The following HEMGN variants were observed in gnomAD, a reference collection of about 807,000 sequenced individuals.
HEMGN encodes hemogen.
A neutral mutation model predicts 45.7 loss-of-function variants in HEMGN; 32 were observed. That is an observed-to-expected ratio of 0.70 (90% CI 0.53 to 0.94). HEMGN has a LOEUF of 0.94. HEMGN is among the 40% of genes least tolerant of loss of function. The pLI, the probability that HEMGN is intolerant of heterozygous loss-of-function variation, is 0.00. For synonymous variants in HEMGN, 183 were observed against 178.6 expected (o/e 1.02, Z -0.20); for missense variants, 530 against 564.2 (o/e 0.94, Z 0.61).
rs1481822558 is a variant in HEMGN, at chr9:97,930,507, G to C, written c.888C>G (p.Gly296=). 4 of 1,613,780 alleles carry C rather than the reference G, an allele frequency of 2.5e-6. No homozygotes were observed. Among genetic ancestry groups the C allele is most frequent in the Non-Finnish European group, 2.5e-6 (3 of 1,179,842 alleles). The change falls in exon 3 of 4, where the codon GGC becomes GGG. Residue 296 remains glycine (G), a synonymous_variant. Coordinates refer to ENST00000616898, the MANE Select transcript of HEMGN (RefSeq NM_197978.3). The part of the protein sequence containing the change: ...ETDQGIAETE[G]LFPKIQEIAE... ...CTATTTCTTGTATTTTAGGAAAAAG[G>C]CCTTCTGTCTCAGCTATTCCTTGAT...
chr9:97,941,835 G>A (rs1827157914), upstream of HEMGN, among the ~76,000 whole-genome samples: 1 of 152,216 alleles, frequency 6.6e-6, no homozygotes, highest in African/African-American at 2.4e-5. Flanking sequence ...TCAAGGAGGA[G>A]AGACTAATCC....
chr9:97,931,647 T>C (rs1826955890), intron 2 of HEMGN, among the ~76,000 whole-genome samples: 1 of 152,232 alleles, frequency 6.6e-6, no homozygotes, highest in Non-Finnish European at 1.5e-5. Flanking sequence ...AGTAAACTCA[T>C]ACAAATCGAG....
chr9:97,933,175 G>A (rs1364141259), intron 2 of HEMGN, among the ~76,000 whole-genome samples: 1 of 151,950 alleles, frequency 6.6e-6, no homozygotes, highest in African/African-American at 2.4e-5. Flanking sequence ...AGTGAAATGA[G>A]GTAAATAATA....
intron 2 of HEMGN, among the ~76,000 whole-genome samples, chr9:97,935,903 A>G (rs1414228475): frequency 6.6e-6 from 1 of 152,206 alleles, no homozygotes; most frequent in Non-Finnish European, 1.5e-5. Context: ...TCTCTACAAT[A>G]TAATTCGGTT....
Position 97,930,738 on chromosome 9 carries a change from G to A in HEMGN, c.657C>T (p.Tyr219=). 1 of 1,614,150 alleles carries A rather than the reference G, an allele frequency of 6.2e-7. No individual in the cohort carries two copies. Among genetic ancestry groups the A allele is most frequent in the East Asian group, 2.2e-5 (1 of 44,876 alleles). The part of the protein sequence containing the change: ...SVIQDHPFKM[Y]QDMAKREDLA... Reference sequence around the variant, plus strand: ...GATCTTCTCGTTTAGCCATATCTTGGTACATTTTGAAAGGATGGTCTTGAA... The same window carrying A: ...GATCTTCTCGTTTAGCCATATCTTGATACATTTTGAAAGGATGGTCTTGAA... The change falls in exon 3 of 4, where the codon TAC becomes TAT. Residue 219 remains tyrosine (Y), a synonymous_variant. Transcript: ENST00000616898.
intron 3 of HEMGN, 44 bp from the exon 4 acceptor site, chr9:97,927,522 T>C (rs1254625991): frequency 1.6e-6 from 2 of 1,268,520 alleles, no homozygotes; most frequent in Non-Finnish European, 2.3e-6. Context: ...ATAAATTGTA[T>C]TGGGACAATT....
chr9:97,931,776 A>G (rs1305149714), intron 2 of HEMGN, among the ~76,000 whole-genome samples: 2 of 152,200 alleles, frequency 1.3e-5, no homozygotes, highest in African/African-American at 4.8e-5. Flanking sequence ...TATATATCAA[A>G]TGAGGTATAC....
upstream of HEMGN, among the ~76,000 whole-genome samples, chr9:97,939,037 A>G (rs1319232664): frequency 2.0e-5 from 3 of 152,224 alleles, no homozygotes; most frequent in Admixed American, 1.3e-4. Context: ...GCCACAGACT[A>G]CTATGGTTCA....
chr9:97,927,574 A>G (rs975811244), intron 3 of HEMGN, 96 bp from the exon 4 acceptor site: 1 of 726,296 alleles, frequency 1.4e-6, no homozygotes, highest in South Asian at 1.7e-5. Flanking sequence ...TACAACATAC[A>G]CAACAACAAA....
chr9:97,932,827 C>T, intron 2 of HEMGN, among the ~76,000 whole-genome samples: 2 of 134,688 alleles, frequency 1.5e-5, no homozygotes, highest in Middle Eastern at 4.0e-3. Flanking sequence ...AAAAGGAAAT[C>T]TAAAGATGAT....
At chr9:97,938,859 C>T (rs1002464240), upstream of HEMGN, among the ~76,000 whole-genome samples, 16 of 152,216 alleles carry the variant, frequency 1.1e-4, no homozygotes, top group African/African-American at 2.6e-4. Context: ...CCAAATCATT[C>T]GCAAGTGACT....
exon 1 of HEMGN, chr9:97,944,771 C>G (rs757373573): frequency 6.6e-6 from 1 of 152,192 alleles, no homozygotes; most frequent in Non-Finnish European, 1.5e-5. Context: ...CACTTGCCTT[C>G]CCTGTTTTGC....
intron 1 of HEMGN, among the ~76,000 whole-genome samples, chr9:97,937,074 G>C (rs145560594): frequency 2.2e-3 from 329 of 152,124 alleles, no homozygotes; most frequent in African/African-American, 7.7e-3. Flanking sequence ...CTTGAACCAT[G>C]GTGCCTCTTG....
intron 1 of HEMGN, among the ~76,000 whole-genome samples, chr9:97,936,507 C>T (rs994167457): frequency 1.3e-5 from 2 of 152,130 alleles, no homozygotes; most frequent in African/African-American, 4.8e-5. Context: ...AGTGTGCTAC[C>T]AACCTATTAA....
chr9:97,935,851 A>G (rs1043270866), intron 2 of HEMGN, among the ~76,000 whole-genome samples: 2 of 152,208 alleles, frequency 1.3e-5, no homozygotes, highest in African/African-American at 2.4e-5. Flanking sequence ...TCCCAACAGG[A>G]TGCTTCTATG....
intron 2 of HEMGN, among the ~76,000 whole-genome samples, chr9:97,931,799 A>G: frequency 6.6e-6 from 1 of 152,210 alleles, no homozygotes; most frequent in East Asian, 1.9e-4. Context: ...TAAGGGGTCA[A>G]AAGCTGCAAA....
chr9:97,937,076 T>G (rs1166321024), intron 1 of HEMGN, among the ~76,000 whole-genome samples: 1 of 152,186 alleles, frequency 6.6e-6, no homozygotes, highest in East Asian at 1.9e-4. Flanking sequence ...TGAACCATGG[T>G]GCCTCTTGTT....
exon 1 of HEMGN, chr9:97,944,824 C>G (rs1440281685): frequency 6.6e-6 from 1 of 152,292 alleles, no homozygotes; most frequent in East Asian, 1.9e-4. Context: ...TTCATAACTT[C>G]TGGTTGTTCA....
chr9:97,927,595 G>A, intron 3 of HEMGN, 117 bp from the exon 4 acceptor site: 1 of 613,404 alleles, frequency 1.6e-6, no homozygotes, highest in Non-Finnish European at 2.9e-6. Context: ...CCGTAGATGG[G>A]GTAAATTTTT....
Sources: gnomAD v4.1 joint callset for allele counts (sites outside exome capture counted in the v4.1 genomes callset) on GRCh38, gnomAD v4.1.1 for gene constraint, MANE v1.5 for transcripts, NCBI Gene and HGNC (gene_info 2026-07-23, HGNC 2026-07-21) for gene names.